The following SNX3 variants were observed in gnomAD, a reference collection of about 807,000 sequenced individuals.
The protein encoded by SNX3 is sorting nexin-3.
A neutral mutation model predicts 17.7 loss-of-function variants in SNX3; 5 were observed. The ratio of observed to expected loss-of-function variants is 0.28; its 90% CI spans 0.15 to 0.59. The LOEUF is 0.59. SNX3 is among the 20% of genes least tolerant of loss of function. The pLI is 0.88. For missense variants in SNX3, 132 were observed against 206.8 expected (o/e 0.64, Z 2.22); for synonymous variants, 91 against 76.5 (o/e 1.19, Z -0.99).
In SNX3 at chr6:108,222,958, CTCTT is replaced by C. The variant is rs769873992; in HGVS notation, c.246_249del (p.Glu84AlafsTer4). 5.0e-6 allele frequency: 8 copies of C among 1,587,248 alleles called. No homozygotes were observed. Among genetic ancestry groups the C allele is most frequent in the East Asian group, 2.2e-5 (1 of 44,732 alleles). ...TCATAAATCATTCTTACCTTGCTCT[CTCTT>C]TCTAATTCACTTCGCAGCCATTCAA... On this transcript the variant is annotated frameshift_variant, in exon 2 of 4. Coordinates refer to ENST00000230085, the MANE Select transcript of SNX3 (RefSeq NM_003795.6). LOFTEE classifies it high-confidence loss of function.
chr6:108,255,809 A>T (rs1776010958), intron 1 of SNX3, among the ~76,000 whole-genome samples: 1 of 152,232 alleles, frequency 6.6e-6, no homozygotes, highest in Non-Finnish European at 1.5e-5. Context: ...CAGAGGAAAA[A>T]ACATATACAA....
intron 1 of SNX3, among the ~76,000 whole-genome samples, chr6:108,236,540 C>A (rs1009865455): frequency 6.6e-6 from 1 of 151,182 alleles, no homozygotes; most frequent in East Asian, 1.9e-4. Flanking sequence ...CCCGCCACTA[C>A]GCCCGGCTAA....
rs1774505596 is a variant in SNX3, at chr6:108,214,565, C to T, written c.316G>A (p.Asp106Asn). ...AFLRQLPFRG[D>N]DGIFDDNFIE... The stretch of plus-strand genomic sequence containing the variant: ...AAATTGTCATCAAATATTCCATCAT[C>T]TCCTCTAAAAGGAAGCTGACGCAAA... Residue 106 changes from aspartate (D) to asparagine (N), a missense_variant, in exon 3 of 4, where the codon GAT becomes AAT. Physicochemically the swap from Asp to Asn is conservative, Grantham distance 23. Around this residue, in one of 2 missense-constraint regions of SNX3, gnomAD observed 54 missense variants for 118.0 expected, o/e 0.46. Coordinates refer to ENST00000230085, the MANE Select transcript of SNX3 (RefSeq NM_003795.6). The T allele has an allele frequency of 6.2e-7, 1 of 1,613,686 alleles. No individual in the cohort carries two copies. The highest frequency in any genetic ancestry group is 1.3e-5 in the African/African-American group (1 of 74,918).
At chr6:108,260,711 C>A in intron 1 of SNX3, 49 bp downstream of exon 1, 1 of 1,609,016 alleles carries the variant, frequency 6.2e-7, no homozygotes, top group African/African-American at 1.3e-5. Context: ...GTGGGGGTGA[C>A]CAGAGCCAGC....
At position 108,260,552 on chromosome 6, in the gene SNX3, C is replaced by T. The variant is rs527829306; in HGVS notation, c.162+208G>A. Among the ~76,000 whole-genome samples the T allele has an allele frequency of 2.0e-5, 3 of 152,304 alleles. No homozygotes were observed. The South Asian group carries it at 6.2e-4, about 32-fold the overall frequency. On this transcript the variant is annotated intron_variant, in intron 1 of 3. Coordinates refer to ENST00000230085, the MANE Select transcript of SNX3 (RefSeq NM_003795.6). ...CGCCCTCCTCTTCGAGCACCTTCTC[C>T]AAGTGCCAGCGCGCCGGGCTCGCTC...
At chr6:108,236,391 T>A (rs887564755) in intron 1 of SNX3, among the ~76,000 whole-genome samples, 15 of 145,688 alleles carry the variant, frequency 1.0e-4, no homozygotes, top group African/African-American at 3.0e-4. Flanking sequence ...TTTTTTTTTT[T>A]TTTTTTTTTT....
rs1443166186 is a variant in SNX3, at chr6:108,261,040, G to A, written c.-119C>T. On this transcript the variant is annotated 5_prime_UTR_variant, in exon 1 of 4. Transcript: ENST00000230085. ...GGCTCGCGCGCAGCGGTCGCGAAGA[G>A]AACGAGCACGTAGAGCGGGCGTTCA... 5.1e-6 allele frequency: 5 copies of A among 982,146 alleles called. No individual in the cohort carries two copies. The highest frequency in any genetic ancestry group is 1.7e-5 in the African/African-American group (1 of 57,388). 60.8% of individuals were successfully genotyped at this position (982,146 alleles called of 1,614,324 possible).
intron 1 of SNX3, among the ~76,000 whole-genome samples, chr6:108,235,747 T>C (rs1283079056): frequency 2.0e-5 from 3 of 152,080 alleles, no homozygotes; most frequent in African/African-American, 7.2e-5. Context: ...AATACAAAAA[T>C]TAGCCGGGCA....
At chr6:108,237,969 C>G (rs769607444) in intron 1 of SNX3, among the ~76,000 whole-genome samples, 1 of 151,222 alleles carries the variant, frequency 6.6e-6, no homozygotes, top group African/African-American at 2.4e-5. Context: ...TGGTGGCACG[C>G]GCCTGTAGTC....
At chr6:108,217,665 T>C (rs1774630171) in intron 2 of SNX3, among the ~76,000 whole-genome samples, 1 of 151,150 alleles carries the variant, frequency 6.6e-6, no homozygotes, top group Non-Finnish European at 1.5e-5. Context: ...TGAGGAGAAT[T>C]GCTTGAGCCT....
chr6:108,222,122 C>T lies in SNX3; in HGVS notation c.258+828G>A, dbSNP rs971481361. 1.7e-5 allele frequency: 17 copies of T among 1,018,356 alleles called. No homozygotes were observed. The Middle Eastern group carries it at 8.0e-4, about 48-fold the overall frequency. The allele number at this position is 1,018,356 out of a possible 1,614,324, so 63.1% of individuals were successfully genotyped here. ...TGTGCTCATATGCAGCCACTTTTAT[C>T]TTAGGCTAGAAACAGAAAAAAAAAG... On this transcript the variant is annotated intron_variant, in intron 2 of 3. Coordinates refer to ENST00000230085, the MANE Select transcript of SNX3 (RefSeq NM_003795.6).
chr6:108,213,013 G>C (rs543659932), intron 3 of SNX3, among the ~76,000 whole-genome samples: 127 of 150,428 alleles, frequency 8.4e-4, no homozygotes, highest in African/African-American at 3.0e-3. Context: ...ACAGCCTCCT[G>C]AGTAGCTGGG....
At chr6:108,244,122 G>T (rs1241933093) in intron 1 of SNX3, among the ~76,000 whole-genome samples, 1 of 152,034 alleles carries the variant, frequency 6.6e-6, no homozygotes, top group Non-Finnish European at 1.5e-5. Flanking sequence ...AGTTTGAAGG[G>T]AAAGAAACTG....
intron 1 of SNX3, among the ~76,000 whole-genome samples, chr6:108,256,814 A>G (rs1776045951): frequency 6.6e-6 from 1 of 152,200 alleles, no homozygotes; most frequent in South Asian, 2.1e-4. Context: ...ATAATTCCAG[A>G]CCTTGAACTT....
At chr6:108,226,004 C>T (rs949292739) in intron 1 of SNX3, among the ~76,000 whole-genome samples, 2 of 147,614 alleles carry the variant, frequency 1.4e-5, no homozygotes, top group East Asian at 3.9e-4. Context: ...TATGATTGCA[C>T]CACTGCACTC....
Position 108,246,587 on chromosome 6 carries a change from C to T in SNX3, c.162+14173G>A, listed in dbSNP as rs780311377. Among the ~76,000 whole-genome samples, 51 of 151,874 alleles carry T rather than the reference C, an allele frequency of 3.4e-4. 1 individual carries two copies. The highest frequency in any genetic ancestry group is 6.2e-4 in the South Asian group (3 of 4,810). ...TCTGGTGATCCACCCGCCTCCACCT[C>T]CCAAAGTGCTGGGATTATAGGCGTG... On this transcript the variant is annotated intron_variant, in intron 1 of 3. Coordinates refer to ENST00000230085, the MANE Select transcript of SNX3 (RefSeq NM_003795.6).
intron 2 of SNX3, among the ~76,000 whole-genome samples, chr6:108,220,401 C>T (rs543584002): frequency 2.6e-4 from 40 of 151,972 alleles, no homozygotes; most frequent in African/African-American, 9.6e-4. Flanking sequence ...GTATTTTTTA[C>T]CATATCTTTT....
At chr6:108,244,796 T>TGC (rs1775634331) in intron 1 of SNX3, among the ~76,000 whole-genome samples, 1 of 151,852 alleles carries the variant, frequency 6.6e-6, no homozygotes, top group African/African-American at 2.4e-5. Flanking sequence ...TGCACCACCA[T>TGC]GCCCAGCTAA....
intron 2 of SNX3, among the ~76,000 whole-genome samples, chr6:108,222,029 T>G (rs1774793573): frequency 6.6e-6 from 1 of 152,150 alleles, no homozygotes; most frequent in African/African-American, 2.4e-5. Flanking sequence ...AGTACCGAGA[T>G]TATAGGCATG....
Sources: gnomAD v4.1 joint callset for allele counts (sites outside exome capture counted in the v4.1 genomes callset) on GRCh38, gnomAD v4.1.1 for gene constraint, gnomAD v4.1.1 regional missense constraint, MANE v1.5 for transcripts, NCBI Gene and HGNC (gene_info 2026-07-23, HGNC 2026-07-21) for gene names.